DSG4: variants seen among roughly 807,000 people sequenced by gnomAD.
DSG4 encodes desmoglein 4, also known as desmoglein-4.
Under a neutral mutation model 93.1 loss-of-function variants are expected in DSG4, and 87 were observed. That is an observed-to-expected ratio of 0.93 (90% CI 0.79 to 1.12). The LOEUF is 1.12. Among genes scored for constraint, DSG4 ranks in the 50% most tolerant of loss-of-function variants. The pLI is 0.00. For missense variants in DSG4, 1,373 were observed against 1,285.7 expected (o/e 1.07, Z -1.04); for synonymous variants, 432 against 452.9 (o/e 0.95, Z 0.59).
rs2072193754 is a variant in DSG4, at chr18:31,386,829, G to A, written c.216+10G>A. On this transcript the variant is annotated intron_variant, in intron 3 of 15. Transcript: ENST00000308128. The stretch of plus-strand genomic sequence containing the variant: ...GAACCCCATTGCCAAAGTAAGTGAT[G>A]AAGCAATCTGATGACAAATGCTTTT... The A allele has an allele frequency of 6.2e-7, 1 of 1,612,806 alleles. No homozygotes were observed.
Position 31,400,799 on chromosome 18 carries a change from T to TACAA in DSG4, c.1278-82_1278-81insACAA, listed in dbSNP as rs1205731204. ...AAACATAAAAACACAATATTAAAGT[T>TACAA]TGCCACATTGTAGCTGTTACATGAT... On this transcript the variant is annotated intron_variant, in intron 9 of 15. Coordinates refer to ENST00000308128, the MANE Select transcript of DSG4 (RefSeq NM_177986.5). 11 of 1,432,756 alleles carry TACAA rather than the reference T, an allele frequency of 7.7e-6. No individual in the cohort carries two copies. In the African/African-American group the frequency reaches 1.3e-4, roughly 17 times the overall value. 88.8% of individuals were successfully genotyped at this position (1,432,756 alleles called of 1,614,324 possible).
At chr18:31,395,267 T>C (rs2072293841) in intron 8 of DSG4, among the ~76,000 whole-genome samples, 1 of 145,978 alleles carries the variant, frequency 6.9e-6, no homozygotes, top group African/African-American at 2.5e-5. Context: ...ATATACTTAA[T>C]TGCTAAAAAA....
At chr18:31,396,467 G>A (rs62095179) in intron 8 of DSG4, among the ~76,000 whole-genome samples, 103,550 of 148,674 alleles carry the variant, frequency 0.7, 37,001 homozygotes, top group East Asian at 0.9. Context: ...GCAATTTCAC[G>A]CATCAGCCTC....
At chr18:31,409,830 T>C (rs868455171) in intron 14 of DSG4, 22 bp downstream of exon 14, 1 of 1,613,798 alleles carries the variant, frequency 6.2e-7, no homozygotes, top group East Asian at 2.2e-5. Flanking sequence ...CCAAAATCTG[T>C]TTTTCCTTTT....
intron 8 of DSG4, among the ~76,000 whole-genome samples, chr18:31,398,561 A>G (rs1442643343): frequency 2.0e-5 from 3 of 152,204 alleles, no homozygotes; most frequent in African/African-American, 4.8e-5. Flanking sequence ...GACATTGTTC[A>G]GCAATTCTTT....
At chr18:31,411,770 A>G (rs1397914450) in intron 15 of DSG4, among the ~76,000 whole-genome samples, 1 of 151,788 alleles carries the variant, frequency 6.6e-6, no homozygotes, top group Admixed American at 6.5e-5. Context: ...AAAGCAGGAA[A>G]ATGCTCATCA....
Position 31,386,205 on chromosome 18 carries a change from T to C in DSG4, c.85-483T>C, listed in dbSNP as rs111660519. Among the ~76,000 whole-genome samples the C allele has an allele frequency of 1.2e-3, 178 of 152,230 alleles. 1 individual carries two copies. Among genetic ancestry groups the C allele is most frequent in the South Asian group, 5.8e-3 (28 of 4,820 alleles). On this transcript the variant is annotated intron_variant, in intron 2 of 15. Coordinates refer to ENST00000308128, the MANE Select transcript of DSG4 (RefSeq NM_177986.5). ...GTGCTTAGCCACAGTGGTGTCCTTA[T>C]CAACAGAAGAGAAAAATGCTCTTCT...
chr18:31,402,926 CAGTG>C (rs970046953), intron 10 of DSG4, among the ~76,000 whole-genome samples: 6 of 152,118 alleles, frequency 3.9e-5, no homozygotes, highest in Non-Finnish European at 8.8e-5. Flanking sequence ...TTAAAATAAA[CAGTG>C]AGCACACAAG....
In DSG4 at chr18:31,391,011, C is replaced by T. The variant is rs1309969503; in HGVS notation, c.685-67C>T. 6 of 1,589,106 alleles carry T rather than the reference C, an allele frequency of 3.8e-6. No homozygotes were observed. The East Asian group carries it at 6.7e-5, about 18-fold the overall frequency. On this transcript the variant is annotated intron_variant, in intron 6 of 15. Coordinates refer to ENST00000308128, the MANE Select transcript of DSG4 (RefSeq NM_177986.5). ...AAATAAAAGAGTAGAGAAATAATGG[C>T]ATTGAATGCATTGGATTCTATTCAA...
At chr18:31,400,395 C>A (rs1235349735) in intron 9 of DSG4, among the ~76,000 whole-genome samples, 2 of 152,110 alleles carry the variant, frequency 1.3e-5, no homozygotes, top group Non-Finnish European at 2.9e-5. Context: ...TGAGGTCAAG[C>A]ACTTTAAATC....
chr18:31,386,610 C>T, intron 2 of DSG4, 78 bp from the exon 3 acceptor site: 1 of 1,585,876 alleles, frequency 6.3e-7, no homozygotes, highest in Non-Finnish European at 8.6e-7. Flanking sequence ...CTAAATGCAC[C>T]TTACAATATT....
In DSG4 at chr18:31,402,473, G is replaced by C. The variant is rs76252810; in HGVS notation, c.1418-943G>C. On this transcript the variant is annotated intron_variant, in intron 10 of 15. Coordinates refer to ENST00000308128, the MANE Select transcript of DSG4 (RefSeq NM_177986.5). ...GACATCCTTCATCTAGTAAAAACAA[G>C]TCCAATGCTGAATAGGGTATATAAA... Among the ~76,000 whole-genome samples the C allele has an allele frequency of 3.5e-3, 526 of 152,214 alleles. 20 individuals are homozygous for C. The East Asian group carries it at 0.053, about 15-fold the overall frequency.
rs200219673 is a variant in DSG4 at position 31,386,769 on chromosome 18, G to T, written c.166G>T (p.Ala56Ser). The change falls in exon 3 of 16, where the codon GCA (alanine) becomes TCA (serine). Residue 56 changes from alanine (A) to serine (S), a missense_variant. By Grantham distance (99) the Ala-to-Ser change is moderately conservative. Coordinates refer to ENST00000308128, the MANE Select transcript of DSG4 (RefSeq NM_177986.5). ...AAAGCGGGAGTGGATCAAGTTTGCCGCAGCCTGTCGAGAAGGAGAGGACAA... is the reference window on the plus strand; with the variant it reads ...AAAGCGGGAGTGGATCAAGTTTGCCTCAGCCTGTCGAGAAGGAGAGGACAA... ...RQKREWIKFA[A>S]ACREGEDNSK... 1.2e-6 allele frequency: 2 copies of T among 1,613,430 alleles called. No individual in the cohort carries two copies. The highest frequency in any genetic ancestry group is 1.7e-6 in the Non-Finnish European group (2 of 1,179,490).
intron 10 of DSG4, among the ~76,000 whole-genome samples, chr18:31,402,159 A>T (rs1036684153): frequency 6.6e-6 from 1 of 152,218 alleles, no homozygotes; most frequent in Admixed American, 6.5e-5. Flanking sequence ...GTACCAAGAG[A>T]AACCCAGAAA....
At chr18:31,384,289 G>A (rs1030947156) in intron 1 of DSG4, among the ~76,000 whole-genome samples, 1 of 151,038 alleles carries the variant, frequency 6.6e-6, no homozygotes, top group African/African-American at 2.4e-5. Flanking sequence ...TTGCTCAATT[G>A]TGATGCTAAG....
Position 31,392,232 on chromosome 18 carries a change from C to T in DSG4, c.897C>T (p.Gly299=), listed in dbSNP as rs139090943. 6.2e-7 allele frequency: 1 copy of T among 1,613,702 alleles called. No homozygotes were observed. ...AAGCAATTGATCTTGATGAAGAAGG[C>T]ACTGATAACTGGTTGGCTCAATATT... The part of the protein sequence containing the change: ...RLQAIDLDEE[G]TDNWLAQYLI... The change falls in exon 8 of 16, where the codon GGC becomes GGT. Residue 299 remains glycine (G), a synonymous_variant. Transcript: ENST00000308128.
rs371292430 is a variant in DSG4 at position 31,382,763 on chromosome 18, C to T, written c.49-2373C>T. ...CCAGCTGAGCAGGGAGCAGAAATAC[C>T]ACAAATATACTATGGAAGCCTCCAT... is the stretch of plus-strand genomic sequence containing the variant. On this transcript the variant is annotated intron_variant, in intron 1 of 15. Coordinates refer to ENST00000308128, the MANE Select transcript of DSG4 (RefSeq NM_177986.5). Among the ~76,000 whole-genome samples the T allele has an allele frequency of 3.3e-5, 5 of 152,186 alleles. No homozygotes were observed. The East Asian group carries it at 7.7e-4, about 24-fold the overall frequency.
chr18:31,382,508 G>A (rs1437806859), intron 1 of DSG4: 1 of 152,100 alleles, frequency 6.6e-6, no homozygotes, highest in Non-Finnish European at 1.5e-5. Flanking sequence ...TACTTTTCAC[G>A]GTCTAACTGA....
chr18:31,384,564 A>G (rs536526836), intron 1 of DSG4, among the ~76,000 whole-genome samples: 28 of 152,306 alleles, frequency 1.8e-4, no homozygotes, highest in African/African-American at 6.5e-4. Context: ...TAGGAGTAAA[A>G]TAAATTCCAA....
Sources: allele counts gnomAD v4.1 joint callset (sites outside exome capture counted in the v4.1 genomes callset), GRCh38; gene constraint gnomAD v4.1.1; transcripts MANE v1.5; gene names NCBI Gene and HGNC (gene_info 2026-07-23, HGNC 2026-07-21).